KDM2A: variants seen among roughly 807,000 people sequenced by gnomAD.
KDM2A encodes lysine demethylase 2A.
A neutral mutation model predicts 137.3 loss-of-function variants in KDM2A; 3 were observed. The ratio of observed to expected loss-of-function variants is 0.02; its 90% CI spans 0.01 to 0.06. KDM2A has a LOEUF of 0.06. KDM2A is among the 10% of genes least tolerant of loss of function. The pLI, the probability that KDM2A is intolerant of heterozygous loss-of-function variation, is 1.00. For synonymous variants in KDM2A, 512 were observed against 541.5 expected, an observed-to-expected ratio of 0.95 and a Z score of 0.76; for missense variants, 738 against 1,510.6, an observed-to-expected ratio of 0.49 and a Z score of 8.48.
intron 2 of KDM2A, among the ~76,000 whole-genome samples, chr11:67,127,476 A>G (rs1401004286): frequency 1.3e-5 from 2 of 152,088 alleles, no homozygotes. Flanking sequence ...TAGCAAAAAA[A>G]AATAAAAAAT....
At chr11:67,147,955 G>A (rs1856293459) in intron 2 of KDM2A, among the ~76,000 whole-genome samples, 1 of 151,982 alleles carries the variant, frequency 6.6e-6, no homozygotes, top group Non-Finnish European at 1.5e-5. Flanking sequence ...GGGATTATAG[G>A]TGTGAGCTGC....
At chr11:67,209,478 C>G (rs921404048) in intron 6 of KDM2A, among the ~76,000 whole-genome samples, 3 of 151,340 alleles carry the variant, frequency 2.0e-5, no homozygotes, top group Non-Finnish European at 4.4e-5. Context: ...GGTTCTCGCT[C>G]TGTTGCCCAG....
At chr11:67,168,075 A>AT (rs1353341714) in intron 2 of KDM2A, among the ~76,000 whole-genome samples, 1 of 152,176 alleles carries the variant, frequency 6.6e-6, no homozygotes, top group African/African-American at 2.4e-5. Flanking sequence ...CCATCATGAG[A>AT]TATGAAATTA....
Position 67,181,819 on chromosome 11 carries a change from A to G in KDM2A, c.261-27A>G, listed in dbSNP as rs781530899. 166 of 1,607,688 alleles carry G rather than the reference A, an allele frequency of 1.0e-4. 1 individual carries two copies. The highest frequency in any genetic ancestry group is 2.2e-5 in the South Asian group (2 of 90,942). ...TTACTAGAGCAATTGTGTTTTCCAT[A>G]TATACTTACTGGTGTTTGTTTCATA... On this transcript the variant is annotated intron_variant, in intron 4 of 20. Coordinates refer to ENST00000529006, the MANE Select transcript of KDM2A (RefSeq NM_012308.3).
At chr11:67,229,834 C>T (rs938026391) in intron 11 of KDM2A, among the ~76,000 whole-genome samples, 4 of 150,576 alleles carry the variant, frequency 2.7e-5, no homozygotes, top group African/African-American at 9.8e-5. Context: ...CACGCCACTG[C>T]ACTCCAGCTT....
rs1009246817 is a variant in KDM2A at position 67,119,346 on chromosome 11, A to G, written c.-787A>G. The G allele has an allele frequency of 3.4e-4, 57 of 166,668 alleles. No individual in the cohort carries two copies. The highest frequency in any genetic ancestry group is 7.8e-4 in the Admixed American group (12 of 15,434). The allele number at this position is 166,668 out of a possible 1,614,324, so 10.3% of individuals were successfully genotyped here. ...GAGGGAAACAACACCCCTCCCCGGC[A>G]GCGGCGGCGGCGGCGGCGGCTCTCG... On this transcript the variant is annotated 5_prime_UTR_variant, in exon 1 of 21. Coordinates refer to ENST00000529006, the MANE Select transcript of KDM2A (RefSeq NM_012308.3).
intron 10 of KDM2A, among the ~76,000 whole-genome samples, chr11:67,226,644 C>T (rs964595390): frequency 5.3e-5 from 8 of 152,094 alleles, no homozygotes; most frequent in African/African-American, 1.9e-4. Context: ...ATGGTGTGAA[C>T]CCGGGAGGTG....
intron 2 of KDM2A, among the ~76,000 whole-genome samples, chr11:67,145,820 T>C (rs934546615): frequency 2.6e-5 from 4 of 151,966 alleles, no homozygotes; most frequent in Admixed American, 2.6e-4. Flanking sequence ...ACATTTTCCT[T>C]CCTCTCTAAC....
At chr11:67,131,610 C>G (rs1855856764) in intron 2 of KDM2A, among the ~76,000 whole-genome samples, 1 of 151,782 alleles carries the variant, frequency 6.6e-6, no homozygotes, top group Non-Finnish European at 1.5e-5. Flanking sequence ...TGGGGTTTTA[C>G]CATATTGGCC....
intron 12 of KDM2A, among the ~76,000 whole-genome samples, chr11:67,237,756 T>C (rs765444333): frequency 2.6e-5 from 4 of 152,034 alleles, no homozygotes; most frequent in Non-Finnish European, 4.4e-5. Flanking sequence ...AAGACCAGCC[T>C]GGGCAACATA....
rs548348369 is a variant in KDM2A at position 67,257,162 on chromosome 11, G to A, written c.*2107G>A. 2 of 152,250 alleles carry A rather than the reference G, an allele frequency of 1.3e-5. No individual in the cohort carries two copies. The highest frequency in any genetic ancestry group is 6.5e-5 in the Admixed American group (1 of 15,282). The allele number at this position is 152,250 out of a possible 1,614,324, so 9.4% of individuals were successfully genotyped here. On this transcript the variant is annotated 3_prime_UTR_variant, in exon 21 of 21. Transcript: ENST00000529006. ...CCCTTCAGAGCAGGGATTGTGCCGG[G>A]AGAGTGCCTCTGACTTTGGGACATT... is the stretch of plus-strand genomic sequence containing the variant.
intron 18 of KDM2A, 140 bp from the exon 19 acceptor site, chr11:67,253,313 T>C: frequency 2.7e-6 from 2 of 748,438 alleles, no homozygotes; most frequent in Non-Finnish European, 4.5e-6. Context: ...ATGGAAATCT[T>C]TGAGCTGGAT....
chr11:67,198,451 A>G (rs1027152479), intron 5 of KDM2A, among the ~76,000 whole-genome samples: 2 of 152,052 alleles, frequency 1.3e-5, no homozygotes, highest in East Asian at 1.9e-4. Flanking sequence ...TGCCGGGCGC[A>G]ATGGCTCATG....
intron 5 of KDM2A, among the ~76,000 whole-genome samples, chr11:67,188,517 A>G (rs937721383): frequency 2.7e-5 from 4 of 150,360 alleles, no homozygotes; most frequent in African/African-American, 9.8e-5. Context: ...ATGGTTGGGC[A>G]TGGTGCCTCA....
rs759061655 is a variant in KDM2A, at chr11:67,235,885, TG to T, written c.1479+3928del. On this transcript the variant is annotated intron_variant, in intron 12 of 20. Transcript: ENST00000529006. The stretch of plus-strand genomic sequence containing the variant: ...CACCTGCCTTGGCCTCCCAAAGTGC[TG>T]GGATTACAGGCGTGAGCCACTGCGC... Among the ~76,000 whole-genome samples the T allele has an allele frequency of 2.6e-5, 4 of 152,296 alleles. No individual in the cohort carries two copies. The East Asian group carries it at 7.7e-4, about 29-fold the overall frequency.
At chr11:67,196,774 T>C (rs560778352) in intron 5 of KDM2A, 20 of 256,524 alleles carry the variant, frequency 7.8e-5, no homozygotes, top group African/African-American at 4.6e-4. Context: ...AACAGAGTTA[T>C]GGAGATGGAT....
At chr11:67,159,076 T>A (rs1230546005) in intron 2 of KDM2A, among the ~76,000 whole-genome samples, 1 of 152,226 alleles carries the variant, frequency 6.6e-6, no homozygotes, top group African/African-American at 2.4e-5. Context: ...GTGTTGCGTC[T>A]AAAAACCCAT....
chr11:67,164,691 G>T (rs575936777), intron 2 of KDM2A, among the ~76,000 whole-genome samples: 2 of 151,990 alleles, frequency 1.3e-5, no homozygotes, highest in African/African-American at 4.8e-5. Context: ...CACAATCTCG[G>T]CTCACGGCAA....
At chr11:67,168,224 C>G (rs922179376) in intron 2 of KDM2A, among the ~76,000 whole-genome samples, 6 of 152,060 alleles carry the variant, frequency 3.9e-5, no homozygotes, top group African/African-American at 1.2e-4. Context: ...GCAACACAGT[C>G]TGTATCTATG....
Sources: allele counts gnomAD v4.1 joint callset (sites outside exome capture counted in the v4.1 genomes callset), GRCh38; gene constraint gnomAD v4.1.1; transcripts MANE v1.5; gene names NCBI Gene and HGNC (gene_info 2026-07-23, HGNC 2026-07-21).